Variants in OR7C1 observed in about 807,000 individuals in gnomAD.
OR7C1 encodes olfactory receptor 7C1.
For missense variants in OR7C1, 324 were observed against 383.3 expected (o/e 0.85, Z 1.29); for synonymous variants, 152 against 160.7 (o/e 0.95, Z 0.41).
At chr19:14,818,358 T>C (rs1045545258) in intron 1 of OR7C1, among the ~76,000 whole-genome samples, 2 of 152,102 alleles carry the variant, frequency 1.3e-5, no homozygotes, top group Non-Finnish European at 2.9e-5. Context: ...CCTCCCAAAG[T>C]GCTGGGATTA....
intron 2 of OR7C1, among the ~76,000 whole-genome samples, chr19:14,803,801 C>T (rs1258705511): frequency 2.0e-5 from 3 of 151,950 alleles, no homozygotes; most frequent in Non-Finnish European, 4.4e-5. Context: ...CCTCTGCCTC[C>T]TGGGTTCAAG....
intron 2 of OR7C1, among the ~76,000 whole-genome samples, chr19:14,802,610 T>C (rs893429102): frequency 1.3e-5 from 2 of 152,206 alleles, no homozygotes; most frequent in Non-Finnish European, 2.9e-5. Flanking sequence ...GAAACCTCTC[T>C]CAAAGGAGAT....
chr19:14,834,259 G>A (rs977408644), intron 1 of OR7C1, among the ~76,000 whole-genome samples: 2 of 152,088 alleles, frequency 1.3e-5, no homozygotes, highest in Non-Finnish European at 2.9e-5. Flanking sequence ...AGGCTTGCAC[G>A]ACAGAGTGAG....
chr19:14,828,432 C>T, intron 1 of OR7C1: 1 of 666,858 alleles, frequency 1.5e-6, no homozygotes, highest in Non-Finnish European at 2.5e-6. Flanking sequence ...CCACTCTCAG[C>T]CTTAACTGAA....
intron 1 of OR7C1, among the ~76,000 whole-genome samples, chr19:14,822,525 C>T (rs1454970072): frequency 6.6e-6 from 1 of 151,786 alleles, no homozygotes; most frequent in Non-Finnish European, 1.5e-5. Context: ...GCTGGCATTA[C>T]AGGTGCCCGC....
chr19:14,815,655 T>C (rs1334958888), intron 1 of OR7C1, among the ~76,000 whole-genome samples: 10 of 152,204 alleles, frequency 6.6e-5, no homozygotes, highest in Non-Finnish European at 1.3e-4. Flanking sequence ...ATAAACATGT[T>C]TCCCTTAGTT....
At chr19:14,827,063 C>A in intron 1 of OR7C1, 3 of 402,034 alleles carry the variant, frequency 7.5e-6, no homozygotes, top group Non-Finnish European at 1.3e-5. Flanking sequence ...CGGAAATAAC[C>A]TTGAGAAAGT....
At chr19:14,822,295 T>C (rs1024800360) in intron 1 of OR7C1, among the ~76,000 whole-genome samples, 28 of 151,910 alleles carry the variant, frequency 1.8e-4, no homozygotes, top group Admixed American at 1.8e-3. Context: ...TCTATAATGC[T>C]TGTACTACCT....
chr19:14,807,861 A>C (rs1311890417), intron 2 of OR7C1, among the ~76,000 whole-genome samples: 1 of 151,272 alleles, frequency 6.6e-6, no homozygotes, highest in Admixed American at 6.6e-5. Context: ...GTGCCACTGC[A>C]CTCCAGCCTG....
In OR7C1 at chr19:14,801,299, C is replaced by T. The variant is rs555783597; in HGVS notation, c.-434-535G>A. Among the ~76,000 whole-genome samples, 10 of 152,238 alleles carry T rather than the reference C, an allele frequency of 6.6e-5. No homozygotes were observed. The South Asian group carries it at 2.1e-3, about 32-fold the overall frequency. On this transcript the variant is annotated intron_variant, in intron 2 of 4. Coordinates refer to ENST00000641666, the Ensembl canonical transcript of OR7C1. ...ACACATTGTTCTCAGCTATTCCAAC[C>T]TTTGTTTATAAAGCCAATGTTTCAT...
At chr19:14,800,739 C>G (rs1313517566) in exon 3 of OR7C1, 1 of 152,222 alleles carries the variant, frequency 6.6e-6, no homozygotes, top group Non-Finnish European at 1.5e-5. Context: ...TTGTCAGCCA[C>G]GAGCAGACAA....
At chr19:14,815,784 CGTGTGTGTGT>C (rs34655691) in intron 1 of OR7C1, among the ~76,000 whole-genome samples, 2 of 146,728 alleles carry the variant, frequency 1.4e-5, no homozygotes, top group Non-Finnish European at 1.5e-5. Context: ...TGAGTTTGTG[CGTGTGTGTGT>C]GTGTGTGTGT....
chr19:14,801,109 G>C lies in OR7C1; in HGVS notation c.-434-345C>G, dbSNP rs147185848. ...CAATGTAGCAGCTTCATTAATATTT[G>C]AGTAGCAATGGTCTTGGACACTTAC... On this transcript the variant is annotated intron_variant, in intron 2 of 4. Transcript: ENST00000641666. Among the ~76,000 whole-genome samples the C allele has an allele frequency of 4.6e-3, 693 of 152,266 alleles. 6 individuals carry two copies. Among genetic ancestry groups the C allele is most frequent in the African/African-American group, 0.016 (651 of 41,526 alleles).
intron 1 of OR7C1, chr19:14,825,650 A>G (rs370576087): frequency 7.9e-5 from 12 of 152,316 alleles, no homozygotes; most frequent in African/African-American, 2.9e-4. Context: ...CCATGTTAAG[A>G]CAGTTGGCAA....
intron 1 of OR7C1, among the ~76,000 whole-genome samples, chr19:14,812,519 C>T (rs187533583): frequency 6.6e-6 from 1 of 152,238 alleles, no homozygotes; most frequent in African/African-American, 2.4e-5. Flanking sequence ...TGTCACGTAC[C>T]CCCTGCTTGC....
chr19:14,808,898 T>C (rs8111918), intron 2 of OR7C1, among the ~76,000 whole-genome samples: 25,470 of 152,022 alleles, frequency 0.17, 2,347 homozygotes, highest in Non-Finnish European at 0.18. Flanking sequence ...TGGTGAAATA[T>C]ATTTTGATTA....
intron 1 of OR7C1, among the ~76,000 whole-genome samples, chr19:14,832,372 T>C (rs1239399985): frequency 6.6e-6 from 1 of 151,718 alleles, no homozygotes; most frequent in Non-Finnish European, 1.5e-5. Flanking sequence ...TGTATTTTTT[T>C]CCCTCCTTCC....
intron 1 of OR7C1, chr19:14,827,803 C>T: frequency 2.5e-6 from 4 of 1,614,140 alleles, no homozygotes; most frequent in Non-Finnish European, 3.4e-6. Flanking sequence ...GTCCAGGATG[C>T]TAGAACCAGC....
intron 2 of OR7C1, 104 bp from the exon 3 acceptor site, chr19:14,800,868 A>C (rs1480725986): frequency 6.6e-6 from 1 of 152,272 alleles, no homozygotes; most frequent in African/African-American, 2.4e-5. Flanking sequence ...AGCCTGATGT[A>C]AATCAGACAC....
Sources: gnomAD v4.1 joint callset for allele counts (sites outside exome capture counted in the v4.1 genomes callset) on GRCh38, gnomAD v4.1.1 for gene constraint, MANE v1.5 for transcripts, NCBI Gene and HGNC (gene_info 2026-07-23, HGNC 2026-07-21) for gene names.